Variants in CACNB4 observed in about 807,000 individuals in gnomAD.
CACNB4 encodes voltage-dependent L-type calcium channel subunit beta-4.
CACNB4 carries 32 observed loss-of-function variants against 71.2 expected under a neutral mutation model. The ratio of observed to expected loss-of-function variants is 0.45; its 90% CI spans 0.34 to 0.60. The LOEUF is 0.60. Among genes scored for constraint, CACNB4 ranks in the 20% least tolerant of loss-of-function variants. CACNB4 has a pLI of 0.01. For missense variants in CACNB4, 464 were observed against 647.9 expected (o/e 0.72, Z 3.08); for synonymous variants, 231 against 236.9 (o/e 0.97, Z 0.23).
intron 2 of CACNB4, among the ~76,000 whole-genome samples, chr2:151,953,245 A>G (rs1348893518): frequency 6.6e-6 from 1 of 151,952 alleles, no homozygotes; most frequent in Admixed American, 6.5e-5. Context: ...CCTCCTGCCT[A>G]CGGGATCTGT....
intron 2 of CACNB4, among the ~76,000 whole-genome samples, chr2:152,072,958 T>C (rs1425663010): frequency 3.9e-5 from 6 of 152,140 alleles, no homozygotes; most frequent in African/African-American, 1.4e-4. Flanking sequence ...CAATTACCTC[T>C]GTTTTATAGG....
chr2:151,884,688 C>T (rs1578634274), intron 2 of CACNB4, among the ~76,000 whole-genome samples: 1 of 148,814 alleles, frequency 6.7e-6, no homozygotes, highest in South Asian at 2.1e-4. Flanking sequence ...ACTGATGTGG[C>T]GAAGTTAAAA....
chr2:151,908,128 G>C (rs1015579383), intron 2 of CACNB4, among the ~76,000 whole-genome samples: 1 of 152,182 alleles, frequency 6.6e-6, no homozygotes, highest in African/African-American at 2.4e-5. Context: ...AGAGAGGCAG[G>C]GCCCAGGGAA....
chr2:152,040,506 T>C (rs1684818360), intron 2 of CACNB4, among the ~76,000 whole-genome samples: 1 of 152,080 alleles, frequency 6.6e-6, no homozygotes, highest in African/African-American at 2.4e-5. Flanking sequence ...CAGTGGCACA[T>C]TCTCGGCTCA....
At chr2:151,943,703 A>G (rs2099864839) in intron 2 of CACNB4, among the ~76,000 whole-genome samples, 1 of 152,218 alleles carries the variant, frequency 6.6e-6, no homozygotes, top group Non-Finnish European at 1.5e-5. Flanking sequence ...ACCAACTGGG[A>G]AAGCCTCCAG....
At chr2:151,842,687 G>A (rs966337719) in intron 12 of CACNB4, among the ~76,000 whole-genome samples, 3 of 151,968 alleles carry the variant, frequency 2.0e-5, no homozygotes, top group Non-Finnish European at 4.4e-5. Context: ...TGTGTTACAG[G>A]TAAAATATGA....
rs1355030235 is a variant in CACNB4 at position 151,836,451 on chromosome 2, T to C, written c.*2668A>G. The C allele has an allele frequency of 6.6e-6, 1 of 151,576 alleles. No homozygotes were observed. Among genetic ancestry groups the C allele is most frequent in the Non-Finnish European group, 1.5e-5 (1 of 67,696 alleles). The allele number at this position is 151,576 out of a possible 1,614,324, so 9.4% of individuals were successfully genotyped here. A position where few individuals can be genotyped will look rare whatever the true frequency, so the allele number is the denominator to read the frequency against. Reference sequence around the variant, plus strand: ...TTTACACAATAAACTCTTAAGTCTTTAAAAAAAATAAGATGTATATCCCCT... The same window carrying C: ...TTTACACAATAAACTCTTAAGTCTTCAAAAAAAATAAGATGTATATCCCCT... On this transcript the variant is annotated 3_prime_UTR_variant, in exon 14 of 14. Transcript: ENST00000539935.
In CACNB4 at chr2:152,026,218, G is replaced by A. The variant is rs200920991; in HGVS notation, c.147+72112C>T. Reference sequence around the variant, plus strand: ...CCCTTACAGACCGGCCCTTCCACTCGAGCACTGGATCTTACTCCAGGACAG... The same window carrying A: ...CCCTTACAGACCGGCCCTTCCACTCAAGCACTGGATCTTACTCCAGGACAG... On this transcript the variant is annotated intron_variant, in intron 2 of 13. Coordinates refer to ENST00000539935, the MANE Select transcript of CACNB4 (RefSeq NM_000726.5). 1.7e-4 allele frequency among the ~76,000 whole-genome samples: 26 copies of A among 152,124 alleles called. No homozygotes were observed. The East Asian group carries it at 4.6e-3, about 27-fold the overall frequency.
intron 2 of CACNB4, among the ~76,000 whole-genome samples, chr2:151,960,446 G>A (rs1350823934): frequency 1.3e-5 from 2 of 152,252 alleles, no homozygotes; most frequent in East Asian, 1.9e-4. Context: ...TACTTCCCCC[G>A]AGTTCGCCTT....
intron 2 of CACNB4, among the ~76,000 whole-genome samples, chr2:151,899,232 G>A (rs898971508): frequency 2.6e-5 from 4 of 152,200 alleles, no homozygotes; most frequent in Admixed American, 1.3e-4. Context: ...TTAACAGAGA[G>A]TTTAGGGGAA....
At chr2:151,917,545 C>A (rs116684758) in intron 2 of CACNB4, among the ~76,000 whole-genome samples, 3 of 152,070 alleles carry the variant, frequency 2.0e-5, no homozygotes, top group Non-Finnish European at 2.9e-5. Flanking sequence ...CAGATATACA[C>A]AAGATTTCTG....
At chr2:151,901,929 A>G (rs540627660) in intron 2 of CACNB4, among the ~76,000 whole-genome samples, 2 of 152,356 alleles carry the variant, frequency 1.3e-5, no homozygotes, top group African/African-American at 2.4e-5. Context: ...TGCCAGAAAA[A>G]TAAGTCTTTT....
At chr2:151,847,099 C>CAAAAAAAAAAAAAAAAA (rs397766580) in intron 12 of CACNB4, among the ~76,000 whole-genome samples, 1 of 79,780 alleles carries the variant, frequency 1.3e-5, no homozygotes, top group African/African-American at 4.3e-5. Context: ...AAACTGACAC[C>CAAAAAAAAAAAAAAAAA]AAAAAAAAAA....
intron 2 of CACNB4, chr2:151,973,661 ATACT>A (rs763078896): frequency 8.1e-6 from 13 of 1,613,056 alleles, no homozygotes; most frequent in African/African-American, 4.0e-5. Context: ...ATCTATGAAA[ATACT>A]TACAGCCTCC....
chr2:151,963,103 G>A (rs2099870090), intron 2 of CACNB4, among the ~76,000 whole-genome samples: 1 of 152,004 alleles, frequency 6.6e-6, no homozygotes, highest in Non-Finnish European at 1.5e-5. Context: ...ACAAGGTCAG[G>A]AGATCGAGAC....
At chr2:151,973,566 T>C (rs917882450) in intron 2 of CACNB4, 1 of 1,032,458 alleles carries the variant, frequency 9.7e-7, no homozygotes, top group African/African-American at 1.6e-5. Flanking sequence ...TTCTGCTCCA[T>C]GTTCCCTGCG....
chr2:152,087,838 T>C (rs903579405), intron 2 of CACNB4, among the ~76,000 whole-genome samples: 1 of 152,046 alleles, frequency 6.6e-6, no homozygotes, highest in African/African-American at 2.4e-5. Context: ...TGAGTTGTGA[T>C]TGTGCCACTG....
intron 2 of CACNB4, among the ~76,000 whole-genome samples, chr2:152,016,676 A>G (rs183984690): frequency 6.6e-6 from 1 of 152,320 alleles, no homozygotes; most frequent in East Asian, 1.9e-4. Flanking sequence ...TACATCACTC[A>G]CCGTTCCAGG....
Position 151,980,865 on chromosome 2 carries a change from A to G in CACNB4, c.148-97495T>C, listed in dbSNP as rs1408313679. On this transcript the variant is annotated intron_variant, in intron 2 of 13. Coordinates refer to ENST00000539935, the MANE Select transcript of CACNB4 (RefSeq NM_000726.5). ...TAACAGAGTCTTTATTTCAAGGGAA[A>G]CATCATTTATAGTGCGTTGATGGAG... Among the ~76,000 whole-genome samples, 4 of 152,166 alleles carry G rather than the reference A, an allele frequency of 2.6e-5. 1 individual carries two copies. Among genetic ancestry groups the G allele is most frequent in the Admixed American group, 2.6e-4 (4 of 15,270 alleles).
Sources: allele counts gnomAD v4.1 joint callset (sites outside exome capture counted in the v4.1 genomes callset), GRCh38; gene constraint gnomAD v4.1.1; transcripts MANE v1.5; gene names NCBI Gene and HGNC (gene_info 2026-07-23, HGNC 2026-07-21).